The following ARAP2 variants were observed in gnomAD, a reference collection of about 807,000 sequenced individuals.
ARAP2 encodes the protein ArfGAP with RhoGAP domain, ankyrin repeat and PH domain 2.
ARAP2 carries 148 observed loss-of-function variants against 194.5 expected under a neutral mutation model. The ratio of observed to expected loss-of-function variants is 0.76; its 90% CI spans 0.67 to 0.87. The LOEUF (loss-of-function observed/expected upper bound fraction) is 0.87, where lower values mean the gene tolerates loss of function less well. ARAP2 is among the 40% of genes least tolerant of loss of function. The probability of loss-of-function intolerance (pLI) is 0.00; values close to 1 mark genes in which losing one functional copy is unlikely to be tolerated. For missense variants in ARAP2, 2,128 were observed against 1,989.7 expected, an observed-to-expected ratio of 1.07 and a Z score of -1.32; for synonymous variants, 695 against 683.5, an observed-to-expected ratio of 1.02 and a Z score of -0.26.
intron 1 of ARAP2, among the ~76,000 whole-genome samples, chr4:36,234,741 A>C (rs967919999): frequency 6.6e-6 from 1 of 152,240 alleles, no homozygotes; most frequent in East Asian, 1.9e-4. Context: ...AGCACTTATA[A>C]CAACAACTGG....
At chr4:36,031,452 G>C (rs1348246555) in intron 5 of ARAP2, among the ~76,000 whole-genome samples, 1 of 151,958 alleles carries the variant, frequency 6.6e-6, no homozygotes, top group Non-Finnish European at 1.5e-5. Flanking sequence ...TATTTCTTTT[G>C]TTGTGTTGTG....
chr4:36,020,214 C>T (rs1716672175), intron 5 of ARAP2, among the ~76,000 whole-genome samples: 1 of 152,152 alleles, frequency 6.6e-6, no homozygotes, highest in Non-Finnish European at 1.5e-5. Flanking sequence ...AGTTCAAAAC[C>T]AGCCTGGTCA....
intron 9 of ARAP2, among the ~76,000 whole-genome samples, chr4:36,012,243 T>C (rs1261036037): frequency 6.6e-6 from 1 of 152,224 alleles, no homozygotes; most frequent in Non-Finnish European, 1.5e-5. Context: ...GTTAGTCTCA[T>C]GACTTTAAAA....
chr4:36,043,762 G>A (rs1193940824), intron 5 of ARAP2, among the ~76,000 whole-genome samples: 3 of 118,780 alleles, frequency 2.5e-5, no homozygotes, highest in Non-Finnish European at 5.3e-5. Flanking sequence ...AAGACCATGA[G>A]AAAGAAAAAT....
At chr4:36,210,283 T>C in intron 6 of ARAP2, 107 bp downstream of exon 6, 3 of 954,386 alleles carry the variant, frequency 3.1e-6, no homozygotes, top group Non-Finnish European at 4.6e-6. Flanking sequence ...TGTGTATGTG[T>C]GTGTGTGGCG....
intron 19 of ARAP2, among the ~76,000 whole-genome samples, chr4:36,142,011 A>G (rs1356117835): frequency 6.6e-6 from 1 of 151,710 alleles, no homozygotes; most frequent in African/African-American, 2.4e-5. Context: ...CTTTTCAACA[A>G]TCACAGCTAT....
rs115401095 is a variant in ARAP2 at position 36,014,199 on chromosome 4, C to T, written n.1056+1187G>A. Among the ~76,000 whole-genome samples the T allele has an allele frequency of 8.4e-3, 1,097 of 129,950 alleles. 10 individuals are homozygous for T. The highest frequency in any genetic ancestry group is 0.012 in the Non-Finnish European group (785 of 64,108). The allele number at this position is 129,950 out of a possible 152,430, so 85.3% of individuals were successfully genotyped here. ...CTGACATTGTACAACTACACTCAAG[C>T]CTAGGTGACAAAGTGAGACCCTATC... On this transcript the variant is annotated intron_variant and non_coding_transcript_variant, in intron 8 of 12. Coordinates refer to the ARAP2 transcript ENST00000503225.
intron 28 of ARAP2, among the ~76,000 whole-genome samples, chr4:36,087,508 G>C (rs1366596131): frequency 2.0e-5 from 3 of 152,000 alleles, no homozygotes; most frequent in African/African-American, 7.2e-5. Flanking sequence ...GGTTATATAA[G>C]TTAGCTCAGA....
chr4:36,213,192 A>G, intron 4 of ARAP2, 51 bp downstream of exon 4: 2 of 1,314,582 alleles, frequency 1.5e-6, no homozygotes. Flanking sequence ...ACAAATAGGC[A>G]GAAAAGCAAA....
chr4:36,140,906 T>C (rs902591243), intron 19 of ARAP2, among the ~76,000 whole-genome samples: 23 of 151,726 alleles, frequency 1.5e-4, no homozygotes, highest in African/African-American at 3.1e-4. Context: ...AAAAACACAC[T>C]AGCCTTTTCT....
At chr4:36,203,467 C>T (rs1017052096) in intron 6 of ARAP2, among the ~76,000 whole-genome samples, 7 of 152,028 alleles carry the variant, frequency 4.6e-5, no homozygotes, top group Non-Finnish European at 1.0e-4. Context: ...GCCTGTAATC[C>T]CAGCTACTCA....
chr4:36,095,704 ATTTG>A (rs942854073), intron 27 of ARAP2, among the ~76,000 whole-genome samples: 1 of 149,386 alleles, frequency 6.7e-6, no homozygotes, highest in African/African-American at 2.6e-5. Context: ...TCAAATTTGT[ATTTG>A]TTTTTTATCA....
chr4:36,177,798 CA>C, intron 9 of ARAP2, 28 bp downstream of exon 9: 1 of 1,519,860 alleles, frequency 6.6e-7, no homozygotes, highest in Non-Finnish European at 8.8e-7. Context: ...AAAATAGCAG[CA>C]ATTTGCAATG....
chr4:36,156,830 C>T (rs1314327273), intron 15 of ARAP2, among the ~76,000 whole-genome samples: 2 of 152,116 alleles, frequency 1.3e-5, no homozygotes, highest in Non-Finnish European at 2.9e-5. Context: ...AGCTCACTTT[C>T]GTATTACCTA....
chr4:36,195,266 G>T (rs1239958933), intron 6 of ARAP2, among the ~76,000 whole-genome samples: 2 of 151,964 alleles, frequency 1.3e-5, no homozygotes, highest in African/African-American at 4.8e-5. Flanking sequence ...ACTTTTCTTG[G>T]CCTGTCTGCA....
rs1417930309 is a variant in ARAP2 at position 36,066,387 on chromosome 4, T to TTTAAAGATTTTA, written c.*1519_*1520insTAAAATCTTTAA. 2 of 152,164 alleles carry TTTAAAGATTTTA rather than the reference T, an allele frequency of 1.3e-5. No individual in the cohort carries two copies. Among genetic ancestry groups the TTTAAAGATTTTA allele is most frequent in the African/African-American group, 2.4e-5 (1 of 41,434 alleles). 9.4% of individuals were successfully genotyped at this position (152,164 alleles called of 1,614,324 possible). A position where few individuals can be genotyped will look rare whatever the true frequency, so the allele number is the denominator to read the frequency against. On this transcript the variant is annotated 3_prime_UTR_variant, in exon 33 of 33. Transcript: ENST00000303965. ...TTTGTGCTTTTTAAAAATTCTAATTTACTTTGATTTAAAGAATAAATATCT... is the reference window on the plus strand; with the variant it reads ...TTTGTGCTTTTTAAAAATTCTAATTTTTAAAGATTTTAACTTTGATTTAAAGAATAAATATCT...
chr4:36,174,802 G>A (rs763870654), intron 9 of ARAP2, among the ~76,000 whole-genome samples: 1 of 152,068 alleles, frequency 6.6e-6, no homozygotes, highest in South Asian at 2.1e-4. Flanking sequence ...ATTAGTAGCA[G>A]AACAAGAATA....
At chr4:36,228,177 C>G (rs548751823) in intron 2 of ARAP2, among the ~76,000 whole-genome samples, 1 of 152,060 alleles carries the variant, frequency 6.6e-6, no homozygotes, top group Non-Finnish European at 1.5e-5. Flanking sequence ...CATTGTACCA[C>G]GCAGCAGAGA....
At chr4:36,203,502 T>G (rs1468256268) in intron 6 of ARAP2, among the ~76,000 whole-genome samples, 5 of 152,112 alleles carry the variant, frequency 3.3e-5, no homozygotes, top group African/African-American at 1.2e-4. Context: ...GAGAATTGCT[T>G]GAACCTGGGA....
Sources: allele counts gnomAD v4.1 joint callset (sites outside exome capture counted in the v4.1 genomes callset), GRCh38; gene constraint gnomAD v4.1.1; transcripts MANE v1.5; gene names NCBI Gene and HGNC (gene_info 2026-07-23, HGNC 2026-07-21).